The following EPHA5 variants were observed in gnomAD, a reference collection of about 807,000 sequenced individuals.
EPHA5 encodes the protein EPH receptor A5.
Under a neutral mutation model 105.0 loss-of-function variants are expected in EPHA5, and 60 were observed. The observed-to-expected ratio is 0.57, with a 90% CI of 0.46 to 0.71. The LOEUF is 0.71. EPHA5 is among the 30% of genes least tolerant of loss of function. The pLI, the probability that EPHA5 is intolerant of heterozygous loss-of-function variation, is 0.00. For missense variants in EPHA5, 1,218 were observed against 1,274.7 expected (o/e 0.96, Z 0.68); for synonymous variants, 513 against 449.1 (o/e 1.14, Z -1.80).
chr4:65,618,788 A>G (rs1010133494), intron 2 of EPHA5, among the ~76,000 whole-genome samples: 2 of 152,238 alleles, frequency 1.3e-5, no homozygotes, highest in Non-Finnish European at 1.5e-5. Context: ...TCATAACTAT[A>G]GAGAGCCAAT....
chr4:65,647,821 G>T (rs1225851782), intron 1 of EPHA5, among the ~76,000 whole-genome samples: 1 of 152,098 alleles, frequency 6.6e-6, no homozygotes. Flanking sequence ...AATTAAGAAG[G>T]CTGATTATCC....
intron 3 of EPHA5, among the ~76,000 whole-genome samples, chr4:65,567,042 T>C (rs1739615171): frequency 6.6e-6 from 1 of 151,632 alleles, no homozygotes. Flanking sequence ...ACACTTTTAT[T>C]TGTGCATTCA....
rs746536063 is a variant in EPHA5, at chr4:65,335,920, C to T, written c.2789+12G>A. On this transcript the variant is annotated intron_variant, in intron 15 of 16. Transcript: ENST00000613740. Reference sequence around the variant, plus strand: ...CTACATTCTGGAAAATCACTCGGATCTGGCCTTGTACCTGCAGGATGCATT... The same window carrying T: ...CTACATTCTGGAAAATCACTCGGATTTGGCCTTGTACCTGCAGGATGCATT... 1.5e-5 allele frequency: 24 copies of T among 1,593,916 alleles called. No individual in the cohort carries two copies. The highest frequency in any genetic ancestry group is 1.9e-5 in the Non-Finnish European group (22 of 1,169,786).
chr4:65,572,144 G>T (rs1740257305), intron 3 of EPHA5, among the ~76,000 whole-genome samples: 1 of 151,952 alleles, frequency 6.6e-6, no homozygotes, highest in African/African-American at 2.4e-5. Flanking sequence ...GTGGCATAAT[G>T]AAGATTTTGG....
At chr4:65,644,478 G>A (rs1747949102) in intron 1 of EPHA5, among the ~76,000 whole-genome samples, 1 of 151,990 alleles carries the variant, frequency 6.6e-6, no homozygotes, top group Non-Finnish European at 1.5e-5. Flanking sequence ...GAGGTATTGA[G>A]GCTTCCTTAA....
intron 8 of EPHA5, among the ~76,000 whole-genome samples, chr4:65,391,892 G>A (rs1297982038): frequency 2.0e-5 from 3 of 152,146 alleles, no homozygotes; most frequent in Non-Finnish European, 4.4e-5. Context: ...ATCTTTGCAA[G>A]TGAGTGATAT....
At position 65,624,934 on chromosome 4, in the gene EPHA5, C is replaced by A. The variant is rs117431959; in HGVS notation, c.246+18429G>T. On this transcript the variant is annotated intron_variant, in intron 2 of 16. Transcript: ENST00000613740. ...GCTTAGAACAGCTTATGTCACATAG[C>A]AAAATAAAAGTGAGTGCTAGTGTTA... Among the ~76,000 whole-genome samples the A allele has an allele frequency of 1.9e-3, 282 of 152,052 alleles. 3 individuals are homozygous for A. In the East Asian group the frequency reaches 0.048, roughly 26 times the overall value.
At chr4:65,425,137 T>C (rs1009328064) in intron 5 of EPHA5, among the ~76,000 whole-genome samples, 1 of 152,086 alleles carries the variant, frequency 6.6e-6, no homozygotes, top group Non-Finnish European at 1.5e-5. Context: ...AATATTGAAA[T>C]CTTTTCAGTC....
chr4:65,503,385 C>A (rs4860673), intron 3 of EPHA5, among the ~76,000 whole-genome samples: 1 of 151,532 alleles, frequency 6.6e-6, no homozygotes, highest in Non-Finnish European at 1.5e-5. Flanking sequence ...AATTTGGCAA[C>A]GTCTCTTGAA....
chr4:65,650,242 C>A lies in EPHA5; in HGVS notation c.182-6815G>T, dbSNP rs184689977. On this transcript the variant is annotated intron_variant, in intron 1 of 16. Coordinates refer to ENST00000613740, the MANE Select transcript of EPHA5 (RefSeq NM_001281766.3). ...CCCATGTTCCCTAGTTCAACGAGTG[C>A]AATGCCATATAACTAGTTGCTCTGG... 4.3e-4 allele frequency among the ~76,000 whole-genome samples: 66 copies of A among 152,044 alleles called. No individual in the cohort carries two copies. In the East Asian group the frequency reaches 0.012, roughly 28 times the overall value.
Position 65,446,129 on chromosome 4 carries a change from A to G in EPHA5, c.1403-25564T>C, listed in dbSNP as rs957469615. 8.5e-5 allele frequency among the ~76,000 whole-genome samples: 13 copies of G among 152,214 alleles called. 1 individual carries two copies. Among genetic ancestry groups the G allele is most frequent in the Admixed American group, 6.5e-4 (10 of 15,270 alleles). On this transcript the variant is annotated intron_variant, in intron 5 of 16. Transcript: ENST00000613740. ...GCTTCACCCTCATGATATTTTTAAT[A>G]TAATAACAAATGTTTCAATGGGTTA... is the stretch of plus-strand genomic sequence containing the variant.
chr4:65,339,851 A>G (rs1721539402), intron 14 of EPHA5, among the ~76,000 whole-genome samples: 2 of 152,130 alleles, frequency 1.3e-5, no homozygotes, highest in African/African-American at 4.8e-5. Flanking sequence ...AGGGCATTGT[A>G]TATGGAAGGA....
chr4:65,551,102 A>G (rs1421824453), intron 3 of EPHA5, among the ~76,000 whole-genome samples: 2 of 151,714 alleles, frequency 1.3e-5, no homozygotes, highest in African/African-American at 4.8e-5. Flanking sequence ...ATATATGTGT[A>G]TATATGAAAT....
intron 14 of EPHA5, among the ~76,000 whole-genome samples, chr4:65,343,843 C>T (rs1187461858): frequency 8.5e-6 from 1 of 117,168 alleles, no homozygotes; most frequent in East Asian, 2.4e-4. Flanking sequence ...CAAGTAAAAG[C>T]CAAAATATTA....
intron 1 of EPHA5, among the ~76,000 whole-genome samples, chr4:65,660,372 T>C (rs1202922072): frequency 5.3e-5 from 8 of 152,256 alleles, no homozygotes; most frequent in Non-Finnish European, 2.9e-5. Context: ...GATAGCTCTA[T>C]AGAAAATGTG....
At chr4:65,599,008 T>G (rs565272326) in intron 3 of EPHA5, among the ~76,000 whole-genome samples, 5 of 152,116 alleles carry the variant, frequency 3.3e-5, no homozygotes, top group Admixed American at 2.0e-4. Context: ...AAACAAATAT[T>G]TGCATTTGTT....
intron 4 of EPHA5, among the ~76,000 whole-genome samples, chr4:65,494,648 T>C (rs1012651455): frequency 6.6e-6 from 1 of 152,198 alleles, no homozygotes; most frequent in Admixed American, 6.5e-5. Flanking sequence ...ACTGCAAATG[T>C]CAGAATTAAA....
At chr4:65,505,467 G>A (rs1014630314) in intron 3 of EPHA5, among the ~76,000 whole-genome samples, 7 of 151,992 alleles carry the variant, frequency 4.6e-5, no homozygotes, top group African/African-American at 1.4e-4. Flanking sequence ...TTGTACTTTA[G>A]AAAAGCAGAA....
chr4:65,373,922 C>T (rs1440184367), intron 8 of EPHA5, among the ~76,000 whole-genome samples: 4 of 151,544 alleles, frequency 2.6e-5, no homozygotes, highest in East Asian at 1.9e-4. Flanking sequence ...CAAGAAATGG[C>T]TACTTTGGGA....
Sources: gnomAD v4.1 joint callset for allele counts (sites outside exome capture counted in the v4.1 genomes callset) on GRCh38, gnomAD v4.1.1 for gene constraint, MANE v1.5 for transcripts, NCBI Gene and HGNC (gene_info 2026-07-23, HGNC 2026-07-21) for gene names.